Variants in BDH1 observed in about 807,000 individuals in gnomAD.
The protein encoded by BDH1 is D-beta-hydroxybutyrate dehydrogenase, mitochondrial.
A neutral mutation model predicts 33.1 loss-of-function variants in BDH1; 30 were observed. The observed-to-expected ratio is 0.91, with a 90% CI of 0.68 to 1.23. The LOEUF (loss-of-function observed/expected upper bound fraction) is 1.23. Among genes scored for constraint, BDH1 ranks in the 50% most tolerant of loss-of-function variants. BDH1 has a pLI of 0.00. For synonymous variants in BDH1, 190 were observed against 183.6 expected, an observed-to-expected ratio of 1.03 and a Z score of -0.28; for missense variants, 443 against 464.4, an observed-to-expected ratio of 0.95 and a Z score of 0.42.
intron 1 of BDH1, among the ~76,000 whole-genome samples, chr3:197,562,056 C>T (rs923549863): frequency 6.6e-6 from 1 of 152,152 alleles, no homozygotes; most frequent in Non-Finnish European, 1.5e-5. Flanking sequence ...ATCTAAAGCT[C>T]TGTTTTCCTG....
chr3:197,542,521 C>CTTTTTTTTTTTTTTTTTTTTTTT lies in BDH1; in HGVS notation c.83+3839_83+3840insAAAAAAAAAAAAAAAAAAAAAAA, dbSNP rs71164295. 2.8e-5 allele frequency among the ~76,000 whole-genome samples: 3 copies of CTTTTTTTTTTTTTTTTTTTTTTT among 106,418 alleles called. 1 individual carries two copies. The highest frequency in any genetic ancestry group is 8.5e-5 in the African/African-American group (2 of 23,446). 69.8% of individuals were successfully genotyped at this position (106,418 alleles called of 152,430 possible). Reference sequence around the variant, plus strand: ...GTCAACACGCTTTCTTTCTTGCTTGCTTTTTTTTTTTTTTTTTTTGAGACG... The same window carrying CTTTTTTTTTTTTTTTTTTTTTTT: ...GTCAACACGCTTTCTTTCTTGCTTGCTTTTTTTTTTTTTTTTTTTTTTTTTTTTTTTTTTTTTTTTTTGAGACG... On this transcript the variant is annotated intron_variant, in intron 3 of 7. Transcript: ENST00000392379.
At position 197,546,461 on chromosome 3, in the gene BDH1, G is replaced by C. The variant is rs780821832; in HGVS notation, c.-18C>G. The C allele has an allele frequency of 6.2e-7, 1 of 1,613,042 alleles. No homozygotes were observed. Among genetic ancestry groups the C allele is most frequent in the Non-Finnish European group, 8.5e-7 (1 of 1,179,142 alleles). ...GCCAGCATGGTAGCAACGGGTGTTA[G>C]AATGGCCCAGTTCCTCCCGGTGGTT... On this transcript the variant is annotated 5_prime_UTR_variant, in exon 3 of 8. Transcript: ENST00000392379.
chr3:197,544,848 A>G (rs7614448), intron 3 of BDH1, among the ~76,000 whole-genome samples: 48,198 of 152,162 alleles, frequency 0.32, 7,855 homozygotes, highest in Middle Eastern at 0.4. Flanking sequence ...GGAGTTCAAG[A>G]CCAGCCTGGC....
intron 6 of BDH1, among the ~76,000 whole-genome samples, chr3:197,519,988 G>A (rs551347366): frequency 5.9e-5 from 9 of 152,232 alleles, no homozygotes; most frequent in Admixed American, 2.0e-4. Context: ...GTGCCCCCCC[G>A]GTGGAGAAGG....
At chr3:197,530,892 TA>T (rs1160411056) in intron 5 of BDH1, 2 of 152,664 alleles carry the variant, frequency 1.3e-5, no homozygotes, top group East Asian at 1.9e-4. Flanking sequence ...GTGGAACAGA[TA>T]GGGGTGAGGG....
intron 2 of BDH1, among the ~76,000 whole-genome samples, chr3:197,552,032 A>G (rs1716619129): frequency 6.6e-6 from 1 of 152,148 alleles, no homozygotes; most frequent in South Asian, 2.1e-4. Context: ...CCGAAGGTTG[A>G]TCTCCAACCC....
rs1035316724 is a variant in BDH1 at position 197,543,010 on chromosome 3, G to C, written c.83+3351C>G. 9 of 985,298 alleles carry C rather than the reference G, an allele frequency of 9.1e-6. 1 individual carries two copies. Among genetic ancestry groups the C allele is most frequent in the East Asian group, 1.1e-4 (1 of 8,822 alleles). The allele number at this position is 985,298 out of a possible 1,614,324, so 61.0% of individuals were successfully genotyped here. On this transcript the variant is annotated intron_variant, in intron 3 of 7. Coordinates refer to ENST00000392379, the MANE Select transcript of BDH1 (RefSeq NM_203314.3). ...CGCCCTGGTCATCCCGGCCGCATTT[G>C]AGAGCGCTCCCTATGCTGGCCAGGG...
chr3:197,554,350 C>T lies in BDH1; in HGVS notation c.-44+212G>A, dbSNP rs780360279. The T allele has an allele frequency of 2.6e-5, 4 of 152,280 alleles. No individual in the cohort carries two copies. The highest frequency in any genetic ancestry group is 4.8e-5 in the African/African-American group (2 of 41,454). 9.4% of individuals were successfully genotyped at this position (152,280 alleles called of 1,614,324 possible). On this transcript the variant is annotated intron_variant, in intron 2 of 7. Coordinates refer to ENST00000392379, the MANE Select transcript of BDH1 (RefSeq NM_203314.3). The surrounding 1 kb of genome is among the most constrained non-coding windows in gnomAD (Gnocchi z 4.4). ...CCCCACCCGGACTGTGAGCACCCTA[C>T]AGACAAGACCCAAATGTTGAATCAC...
At chr3:197,529,521 C>T (rs1037724272) in intron 5 of BDH1, 2 of 152,186 alleles carry the variant, frequency 1.3e-5, no homozygotes, top group African/African-American at 2.4e-5. Flanking sequence ...AAGAGATACT[C>T]GACCTGTAAT....
At chr3:197,515,881 T>C (rs1273942517) in intron 6 of BDH1, 1 of 183,838 alleles carries the variant, frequency 5.4e-6, no homozygotes, top group Non-Finnish European at 1.0e-5. Flanking sequence ...CCAGCCTGGG[T>C]GACAGAGCAC....
rs1713420428 is a variant in BDH1 at position 197,520,452 on chromosome 3, T to C, written c.409+2188A>G. 6.6e-6 allele frequency among the ~76,000 whole-genome samples: 1 copy of C among 152,214 alleles called. No homozygotes were observed. The highest frequency in any genetic ancestry group is 1.5e-5 in the Non-Finnish European group (1 of 68,040). ...GGGCAGGGGGTGAGTGCCTCCCCTC[T>C]GTGTGGGCCGGGGCCCACCCTGCCT... On this transcript the variant is annotated intron_variant, in intron 6 of 7. Transcript: ENST00000392379. The surrounding 1 kb of genome is among the most constrained non-coding windows in gnomAD (Gnocchi z 6.0).
chr3:197,565,691 T>C (rs1717412127), intron 1 of BDH1, among the ~76,000 whole-genome samples: 2 of 152,188 alleles, frequency 1.3e-5, no homozygotes, highest in Non-Finnish European at 2.9e-5. Context: ...CAGAGATAAG[T>C]TTCTTTGTCA....
intron 5 of BDH1, among the ~76,000 whole-genome samples, chr3:197,524,045 C>T (rs1038068554): frequency 2.0e-5 from 3 of 152,208 alleles, no homozygotes; most frequent in Admixed American, 2.0e-4. Flanking sequence ...TGCTTTGTCA[C>T]GTGCACCCTC....
At chr3:197,512,819 T>C (rs1349739567) in intron 7 of BDH1, among the ~76,000 whole-genome samples, 1 of 152,154 alleles carries the variant, frequency 6.6e-6, no homozygotes, top group Non-Finnish European at 1.5e-5. Flanking sequence ...CCAGCTCCAG[T>C]AGTACGACGT....
At chr3:197,524,771 T>G (rs1713921266) in intron 5 of BDH1, among the ~76,000 whole-genome samples, 1 of 151,230 alleles carries the variant, frequency 6.6e-6, no homozygotes. Flanking sequence ...GAGGATGGGG[T>G]GTGGGAAAGG....
intron 3 of BDH1, among the ~76,000 whole-genome samples, chr3:197,543,630 G>A (rs1414622524): frequency 1.3e-5 from 2 of 152,240 alleles, no homozygotes; most frequent in East Asian, 1.9e-4. Context: ...TTTTCATCTG[G>A]ACGGAGCCAT....
chr3:197,563,764 T>C (rs1717341839), intron 1 of BDH1, among the ~76,000 whole-genome samples: 1 of 152,170 alleles, frequency 6.6e-6, no homozygotes, highest in Admixed American at 6.5e-5. Context: ...TTAAAGGTCA[T>C]GTTTAAAACA....
intron 3 of BDH1, among the ~76,000 whole-genome samples, chr3:197,536,807 C>T (rs1161363514): frequency 6.6e-6 from 1 of 152,190 alleles, no homozygotes; most frequent in Non-Finnish European, 1.5e-5. Flanking sequence ...CGCACCATTG[C>T]ACTGCAGCCT....
At chr3:197,537,338 A>T (rs1715245192) in intron 3 of BDH1, among the ~76,000 whole-genome samples, 1 of 152,236 alleles carries the variant, frequency 6.6e-6, no homozygotes, top group Non-Finnish European at 1.5e-5. Flanking sequence ...TTGCTAGTAT[A>T]CAGAAATGCA....
Sources: allele counts gnomAD v4.1 joint callset (sites outside exome capture counted in the v4.1 genomes callset), GRCh38; gene constraint gnomAD v4.1.1; non-coding constraint Gnocchi (gnomAD v3.1); transcripts MANE v1.5; gene names NCBI Gene and HGNC (gene_info 2026-07-23, HGNC 2026-07-21).